The following PCCA variants were observed in gnomAD, a reference collection of about 807,000 sequenced individuals.
PCCA encodes propionyl-CoA carboxylase alpha chain, mitochondrial.
A neutral mutation model predicts 101.3 loss-of-function variants in PCCA; 74 were observed. The ratio of observed to expected loss-of-function variants is 0.73; its 90% CI spans 0.61 to 0.89. The LOEUF (loss-of-function observed/expected upper bound fraction) is 0.89. PCCA is among the 40% of genes least tolerant of loss of function. The pLI, the probability that PCCA is intolerant of heterozygous loss-of-function variation, is 0.00. For missense variants in PCCA, 891 were observed against 907.0 expected (o/e 0.98, Z 0.23); for synonymous variants, 294 against 313.6 (o/e 0.94, Z 0.66).
At chr13:100,509,952 C>T (rs2086358270) in intron 21 of PCCA, among the ~76,000 whole-genome samples, 2 of 152,006 alleles carry the variant, frequency 1.3e-5, no homozygotes, top group African/African-American at 2.4e-5. Flanking sequence ...AGTTTACAAG[C>T]GTTATTTATT....
At chr13:100,180,710 T>C (rs1298877547) in intron 6 of PCCA, among the ~76,000 whole-genome samples, 2 of 152,256 alleles carry the variant, frequency 1.3e-5, no homozygotes, top group African/African-American at 4.8e-5. Context: ...TCTTTGACTT[T>C]CTGTCTGGCT....
intron 21 of PCCA, among the ~76,000 whole-genome samples, chr13:100,502,756 A>G (rs1026420900): frequency 2.6e-5 from 4 of 152,228 alleles, no homozygotes; most frequent in Admixed American, 6.5e-5. Flanking sequence ...GGAGTAAAGG[A>G]CAGGGATTTA....
chr13:100,451,593 G>A (rs550192453), intron 21 of PCCA, among the ~76,000 whole-genome samples: 20 of 151,948 alleles, frequency 1.3e-4, no homozygotes, highest in African/African-American at 4.6e-4. Context: ...TTCATGTATC[G>A]GAAACTGAGC....
At chr13:100,504,919 A>T (rs1442599998) in intron 21 of PCCA, among the ~76,000 whole-genome samples, 1 of 150,976 alleles carries the variant, frequency 6.6e-6, no homozygotes, top group African/African-American at 2.4e-5. Context: ...GGTGACACAG[A>T]GAGAGACTCT....
intron 6 of PCCA, among the ~76,000 whole-genome samples, chr13:100,174,836 T>A (rs1018706111): frequency 2.2e-4 from 34 of 152,110 alleles, no homozygotes; most frequent in African/African-American, 7.0e-4. Context: ...TACTCTTCTT[T>A]ATGAGTATTC....
chr13:100,105,844 CAAAAAAAAAAAAAA>C (rs71114671), intron 2 of PCCA, among the ~76,000 whole-genome samples: 1 of 62,504 alleles, frequency 1.6e-5, no homozygotes, highest in African/African-American at 6.7e-5. Flanking sequence ...GATCCTGTCT[CAAAAAAAAAAAAAA>C]AAAAAAAAAA....
chr13:100,513,089 T>C (rs2152996608), intron 21 of PCCA, among the ~76,000 whole-genome samples: 1 of 152,368 alleles, frequency 6.6e-6, no homozygotes, highest in East Asian at 1.9e-4. Context: ...TGCACCCTGC[T>C]TGGGCCCCAT....
At chr13:100,509,666 T>A (rs2086330636) in intron 21 of PCCA, among the ~76,000 whole-genome samples, 3 of 152,188 alleles carry the variant, frequency 2.0e-5, no homozygotes, top group African/African-American at 7.2e-5. Flanking sequence ...ATAGTCAGAT[T>A]TCAGTGTTTG....
Position 100,274,645 on chromosome 13 carries a change from A to G in PCCA, c.1065+1299A>G, listed in dbSNP as rs370129021. On this transcript the variant is annotated intron_variant, in intron 12 of 23. Transcript: ENST00000376285. ...CCTTGGCTTTGGCAGCATAACTCTAATCCCTGCCTCAGTTGTCATATTGCC... is the reference window on the plus strand; with the variant it reads ...CCTTGGCTTTGGCAGCATAACTCTAGTCCCTGCCTCAGTTGTCATATTGCC... Among the ~76,000 whole-genome samples the G allele has an allele frequency of 9.9e-5, 15 of 151,992 alleles. No homozygotes were observed. In the South Asian group the frequency reaches 3.1e-3, roughly 32 times the overall value.
At position 100,366,160 on chromosome 13, in the gene PCCA, G is replaced by T. The variant is rs531935633; in HGVS notation, c.1644-2312G>T. Among the ~76,000 whole-genome samples the T allele has an allele frequency of 4.6e-5, 7 of 152,306 alleles. No homozygotes were observed. The South Asian group carries it at 1.5e-3, about 32-fold the overall frequency. ...AGATTCAAGAAAGCCAAGTTGCACG[G>T]TCATCTAGATGTGAGGCTGTTTCTG... On this transcript the variant is annotated intron_variant, in intron 18 of 23. Coordinates refer to ENST00000376285, the MANE Select transcript of PCCA (RefSeq NM_000282.4).
chr13:100,286,616 T>G (rs1595126707), intron 12 of PCCA, among the ~76,000 whole-genome samples: 1 of 152,306 alleles, frequency 6.6e-6, no homozygotes, highest in East Asian at 1.9e-4. Flanking sequence ...TAACAACCCC[T>G]CCCCTTGTAT....
intron 4 of PCCA, among the ~76,000 whole-genome samples, chr13:100,126,076 A>C (rs1044342701): frequency 7.9e-5 from 12 of 152,202 alleles, no homozygotes; most frequent in African/African-American, 2.9e-4. Flanking sequence ...GAAGTATGTT[A>C]AATGGCTCCC....
chr13:100,125,971 C>T (rs561553292), intron 4 of PCCA, among the ~76,000 whole-genome samples: 6 of 152,134 alleles, frequency 3.9e-5, no homozygotes, highest in African/African-American at 7.2e-5. Context: ...CTAATCAAGG[C>T]GCTGTAGTGT....
In PCCA at chr13:100,337,874, T is replaced by A. The variant is rs558525480; in HGVS notation, c.1541-2283T>A. 8.5e-5 allele frequency among the ~76,000 whole-genome samples: 13 copies of A among 152,338 alleles called. No individual in the cohort carries two copies. The East Asian group carries it at 2.5e-3, about 29-fold the overall frequency. ...ACCACCATGAGAAATACATTTTACA[T>A]CCTGACATAGTATGCACATATAAAC... On this transcript the variant is annotated intron_variant, in intron 17 of 23. Transcript: ENST00000376285.
At chr13:100,397,529 C>T (rs534090543) in intron 19 of PCCA, among the ~76,000 whole-genome samples, 18 of 152,068 alleles carry the variant, frequency 1.2e-4, no homozygotes, top group Admixed American at 1.0e-3. Context: ...TGGATATTAC[C>T]ACTATTGAAA....
At chr13:100,396,948 T>G (rs906923638) in intron 19 of PCCA, among the ~76,000 whole-genome samples, 3 of 152,084 alleles carry the variant, frequency 2.0e-5, no homozygotes, top group African/African-American at 7.2e-5. Context: ...AACCTGCAGT[T>G]TCCCTTTCTT....
intron 1 of PCCA, among the ~76,000 whole-genome samples, chr13:100,090,878 C>T (rs907459568): frequency 2.6e-5 from 4 of 152,202 alleles, no homozygotes; most frequent in Non-Finnish European, 5.9e-5. Flanking sequence ...GGATTTAGAA[C>T]TCCAGAACCT....
rs149014283 is a variant in PCCA at position 100,242,486 on chromosome 13, T to C, written c.637+6608T>C. On this transcript the variant is annotated intron_variant, in intron 8 of 23. Coordinates refer to ENST00000376285, the MANE Select transcript of PCCA (RefSeq NM_000282.4). ...CACTATAAGTAATGGATGCAACATCTAGAGAGATCAGTAAGGGAGGGAATA... is the reference window on the plus strand; with the variant it reads ...CACTATAAGTAATGGATGCAACATCCAGAGAGATCAGTAAGGGAGGGAATA... Among the ~76,000 whole-genome samples, 110 of 152,258 alleles carry C rather than the reference T, an allele frequency of 7.2e-4. 1 individual carries two copies. Among genetic ancestry groups the C allele is most frequent in the African/African-American group, 2.6e-3 (107 of 41,550 alleles).
rs137961625 is a variant in PCCA, at chr13:100,224,549, C to T, written c.601-11293C>T. On this transcript the variant is annotated intron_variant, in intron 7 of 23. Coordinates refer to ENST00000376285, the MANE Select transcript of PCCA (RefSeq NM_000282.4). Reference sequence around the variant, plus strand: ...CCCTCAAGTGCTGCCAAAGTGGGAGCGCCAAGAGCGAGCGAGGGCTGTGAG... The same window carrying T: ...CCCTCAAGTGCTGCCAAAGTGGGAGTGCCAAGAGCGAGCGAGGGCTGTGAG... 1.8e-3 allele frequency among the ~76,000 whole-genome samples: 268 copies of T among 152,356 alleles called. 2 individuals carry two copies. The highest frequency in any genetic ancestry group is 6.2e-3 in the African/African-American group (256 of 41,576).
Sources: allele counts gnomAD v4.1 joint callset (sites outside exome capture counted in the v4.1 genomes callset), GRCh38; gene constraint gnomAD v4.1.1; transcripts MANE v1.5; gene names NCBI Gene and HGNC (gene_info 2026-07-23, HGNC 2026-07-21).